The following MACROD2 variants were observed in gnomAD, a reference collection of about 807,000 sequenced individuals.
The protein encoded by MACROD2 is mono-ADP ribosylhydrolase 2, also known as ADP-ribose glycohydrolase MACROD2.
A neutral mutation model predicts 70.4 loss-of-function variants in MACROD2; 36 were observed. The observed-to-expected ratio is 0.51, with a 90% CI of 0.39 to 0.68. The LOEUF (loss-of-function observed/expected upper bound fraction) is 0.68. MACROD2 is among the 30% of genes least tolerant of loss of function. The pLI is 0.00. For synonymous variants in MACROD2, 172 were observed against 178.8 expected (o/e 0.96, Z 0.30); for missense variants, 496 against 538.4 (o/e 0.92, Z 0.78).
intron 5 of MACROD2, among the ~76,000 whole-genome samples, chr20:15,160,748 A>G (rs2076342820): frequency 6.6e-6 from 1 of 152,110 alleles, no homozygotes; most frequent in Non-Finnish European, 1.5e-5. Flanking sequence ...TTTTTTAAAT[A>G]TGTATTTGAA....
chr20:15,245,374 A>G (rs1159711513), intron 6 of MACROD2, among the ~76,000 whole-genome samples: 5 of 152,178 alleles, frequency 3.3e-5, no homozygotes, highest in Admixed American at 2.0e-4. Flanking sequence ...TATGGCACTC[A>G]AAATGTATTT....
intron 5 of MACROD2, among the ~76,000 whole-genome samples, chr20:15,121,513 C>CAAAAAAAAAAAAAA (rs5840653): frequency 3.3e-5 from 4 of 122,046 alleles, no homozygotes; most frequent in African/African-American, 1.3e-4. Flanking sequence ...AACTCTGCCT[C>CAAAAAAAAAAAAAA]AAAAAAAAAA....
intron 5 of MACROD2, among the ~76,000 whole-genome samples, chr20:15,116,662 G>A (rs539617521): frequency 3.3e-5 from 5 of 152,174 alleles, no homozygotes; most frequent in South Asian, 4.2e-4. Flanking sequence ...GGTAGTAAAT[G>A]TATTTTCTAT....
intron 5 of MACROD2, among the ~76,000 whole-genome samples, chr20:14,759,318 A>T (rs758021618): frequency 1.3e-5 from 2 of 152,142 alleles, no homozygotes; most frequent in Non-Finnish European, 2.9e-5. Context: ...AATTTTAAAG[A>T]GTATTTGATA....
intron 5 of MACROD2, among the ~76,000 whole-genome samples, chr20:14,880,975 G>A (rs967256253): frequency 1.3e-5 from 2 of 152,014 alleles, no homozygotes; most frequent in East Asian, 1.9e-4. Flanking sequence ...GGAGAGCTGC[G>A]TGACTCCTCA....
chr20:15,595,755 A>C (rs2048738270), intron 8 of MACROD2, among the ~76,000 whole-genome samples: 1 of 152,196 alleles, frequency 6.6e-6, no homozygotes, highest in Non-Finnish European at 1.5e-5. Context: ...TAAAATGTAA[A>C]CAGTAATAAT....
At chr20:14,081,782 A>C (rs1421735687) in intron 2 of MACROD2, among the ~76,000 whole-genome samples, 1 of 152,222 alleles carries the variant, frequency 6.6e-6, no homozygotes, top group African/African-American at 2.4e-5. Flanking sequence ...TGTTGAAGGA[A>C]ATACTGCTAA....
intron 5 of MACROD2, among the ~76,000 whole-genome samples, chr20:14,981,823 T>C (rs1042265186): frequency 6.6e-6 from 1 of 152,076 alleles, no homozygotes; most frequent in Admixed American, 6.6e-5. Context: ...AGTGTGAAAA[T>C]GGACTAATGC....
chr20:14,469,257 C>T (rs925209299), intron 3 of MACROD2, among the ~76,000 whole-genome samples: 1 of 152,094 alleles, frequency 6.6e-6, no homozygotes, highest in East Asian at 1.9e-4. Context: ...ATATTGGCCC[C>T]CACTCTCTTC....
At chr20:14,436,244 G>A (rs533688880) in intron 3 of MACROD2, among the ~76,000 whole-genome samples, 11 of 152,214 alleles carry the variant, frequency 7.2e-5, no homozygotes, top group South Asian at 2.1e-4. Flanking sequence ...AAACCCCAGA[G>A]TAAATGAGAA....
chr20:15,975,811 G>C (rs1450477451), intron 13 of MACROD2, among the ~76,000 whole-genome samples: 3 of 152,012 alleles, frequency 2.0e-5, no homozygotes, highest in Non-Finnish European at 2.9e-5. Context: ...GTAACTACAA[G>C]GCAAAAAATA....
chr20:14,842,543 A>C (rs533564475), intron 5 of MACROD2, among the ~76,000 whole-genome samples: 6 of 152,074 alleles, frequency 3.9e-5, no homozygotes, highest in African/African-American at 1.4e-4. Context: ...AGTGTATGCT[A>C]TTAGGCTTTG....
At chr20:14,579,011 C>A (rs1173715543) in intron 4 of MACROD2, among the ~76,000 whole-genome samples, 1 of 151,708 alleles carries the variant, frequency 6.6e-6, no homozygotes, top group East Asian at 1.9e-4. Context: ...CTGCTGCTAG[C>A]TAAAAGTCCT....
At chr20:16,012,355 C>T (rs2066874584) in intron 15 of MACROD2, among the ~76,000 whole-genome samples, 1 of 152,218 alleles carries the variant, frequency 6.6e-6, no homozygotes, top group Non-Finnish European at 1.5e-5. Flanking sequence ...TGGTGGTTCT[C>T]AGCTTTGATT....
chr20:15,454,910 C>A (rs2046701076), intron 7 of MACROD2, among the ~76,000 whole-genome samples: 1 of 152,106 alleles, frequency 6.6e-6, no homozygotes, highest in South Asian at 2.1e-4. Flanking sequence ...TTATTAAGCA[C>A]CACGTTGTGC....
At chr20:15,505,418 C>T (rs578133870) in intron 8 of MACROD2, among the ~76,000 whole-genome samples, 41 of 152,130 alleles carry the variant, frequency 2.7e-4, no homozygotes, top group Non-Finnish European at 5.4e-4. Flanking sequence ...CTGAACCCCT[C>T]TCCTCCTACC....
chr20:14,336,812 G>A (rs2082945763), intron 3 of MACROD2, among the ~76,000 whole-genome samples: 1 of 152,176 alleles, frequency 6.6e-6, no homozygotes, highest in Admixed American at 6.5e-5. Flanking sequence ...TTTACTAGTT[G>A]AGATTTGCAA....
chr20:14,714,267 A>T (rs913692430), intron 5 of MACROD2, among the ~76,000 whole-genome samples: 1 of 152,020 alleles, frequency 6.6e-6, no homozygotes, highest in Non-Finnish European at 1.5e-5. Flanking sequence ...GAGGCAACAC[A>T]TATGTCCATC....
intron 5 of MACROD2, among the ~76,000 whole-genome samples, chr20:15,062,646 A>T (rs907910742): frequency 6.6e-6 from 1 of 152,220 alleles, no homozygotes; most frequent in Non-Finnish European, 1.5e-5. Flanking sequence ...CTTTTAACTA[A>T]TTAATCTATT....
Sources: gnomAD v4.1 joint callset for allele counts (sites outside exome capture counted in the v4.1 genomes callset) on GRCh38, gnomAD v4.1.1 for gene constraint, MANE v1.5 for transcripts, NCBI Gene and HGNC (gene_info 2026-07-23, HGNC 2026-07-21) for gene names.